Variants in UNC80 observed in about 807,000 individuals in gnomAD.
UNC80 encodes unc-80 subunit of NALCN channel complex, also known as protein unc-80 homolog.
In UNC80, 164 loss-of-function variants were observed where a neutral mutation model predicts 384.6. The ratio of observed to expected loss-of-function variants is 0.43; its 90% confidence interval spans 0.38 to 0.49. The LOEUF is 0.49. Among genes scored for constraint, UNC80 ranks in the 20% least tolerant of loss-of-function variants. The pLI is 0.00. For missense variants in UNC80, 3,330 were observed against 4,143.0 expected, an observed-to-expected ratio of 0.80 and a Z score of 5.39; for synonymous variants, 1,486 against 1,527.8, an observed-to-expected ratio of 0.97 and a Z score of 0.64.
At chr2:209,790,372 A>G (rs114387049) in intron 6 of UNC80, among the ~76,000 whole-genome samples, 3,361 of 152,208 alleles carry the variant, frequency 0.022, 125 homozygotes, top group African/African-American at 0.077. Flanking sequence ...TTACCCTCCA[A>G]CCTGGAAATT....
In UNC80 at chr2:209,839,508, A is replaced by G; in HGVS notation, c.3250+78A>G. 6.9e-7 allele frequency: 1 copy of G among 1,457,784 alleles called. No individual in the cohort carries two copies. The highest frequency in any genetic ancestry group is 9.3e-7 in the Non-Finnish European group (1 of 1,070,076). The allele number at this position is 1,457,784 out of a possible 1,614,324, so 90.3% of individuals were successfully genotyped here. On this transcript the variant is annotated intron_variant, in intron 19 of 64. Transcript: ENST00000673920. This position sits in a 1 kb window ranked among gnomAD's most constrained non-coding sequence, Gnocchi z 4.1. ...TCAGATCAACTCAGTGATGCATAGT[A>G]GGGCCGAAAAAGAAGACCTTCAAGT...
chr2:209,972,029 T>C (rs2092900957), intron 54 of UNC80, among the ~76,000 whole-genome samples, 172 bp from the exon 55 acceptor site: 1 of 152,210 alleles, frequency 6.6e-6, no homozygotes, highest in African/African-American at 2.4e-5. Flanking sequence ...ATCAAGACAA[T>C]GGTAAAGTAT....
chr2:209,875,677 T>G (rs1342148446), intron 23 of UNC80, among the ~76,000 whole-genome samples: 1 of 152,190 alleles, frequency 6.6e-6, no homozygotes, highest in African/African-American at 2.4e-5. Context: ...TGAACTTCAA[T>G]TATGTGGCCC....
chr2:209,973,130 C>G lies in UNC80; in HGVS notation c.8447C>G (p.Pro2816Arg). ...CAGACAGTCATCAATGTACTCCTCC[C>G]ACCGCGGATCATCAGCACATCCAGG... ...LLQTVINVLL[P>R]PRIISTSRSK... The change falls in exon 56 of 65, where the codon CCA becomes CGA. Residue 2816 changes from proline to arginine, a missense_variant. Coordinates refer to ENST00000673920, the MANE Select transcript of UNC80 (RefSeq NM_001371986.1). The G allele has an allele frequency of 6.4e-7, 1 of 1,551,652 alleles. No individual in the cohort carries two copies. Among genetic ancestry groups the G allele is most frequent in the Non-Finnish European group, 8.7e-7 (1 of 1,147,000 alleles).
At chr2:209,831,289 C>T (rs1349338826) in intron 15 of UNC80, among the ~76,000 whole-genome samples, 154 bp from the exon 16 acceptor site, 1 of 152,100 alleles carries the variant, frequency 6.6e-6, no homozygotes, top group East Asian at 1.9e-4. Context: ...TCCACATCTG[C>T]CTAGAGATTA....
chr2:209,961,827 G>C (rs1458665159), intron 51 of UNC80, among the ~76,000 whole-genome samples: 1 of 152,174 alleles, frequency 6.6e-6, no homozygotes, highest in Non-Finnish European at 1.5e-5. Context: ...ACTGATAAAA[G>C]GCAGATCATA....
chr2:209,851,049 T>C (rs555185628), intron 22 of UNC80, among the ~76,000 whole-genome samples: 1 of 152,182 alleles, frequency 6.6e-6, no homozygotes, highest in Non-Finnish European at 1.5e-5. Flanking sequence ...AATGGAAAAG[T>C]ATATGAACAG....
chr2:209,922,212 T>A (rs1213637479), intron 34 of UNC80, 40 bp from the exon 35 acceptor site: 1 of 1,550,034 alleles, frequency 6.5e-7, no homozygotes, highest in East Asian at 2.4e-5. Flanking sequence ...AACTCTTTTG[T>A]TATAAAGCCA....
At position 209,928,206 on chromosome 2, in the gene UNC80, C is replaced by T. The variant is rs535809249; in HGVS notation, c.5806+1220C>T. Among the ~76,000 whole-genome samples the T allele has an allele frequency of 3.5e-3, 531 of 152,040 alleles. 1 individual carries two copies. Among genetic ancestry groups the T allele is most frequent in the African/African-American group, 0.012 (504 of 41,470 alleles). ...CAAAAATTAGCCAGGCGTGGTGGCA[C>T]GTGCCTGTAATCCCAGCTACTCATG... On this transcript the variant is annotated intron_variant, in intron 36 of 64. Transcript: ENST00000673920.
chr2:209,950,768 G>C (rs2092138136), intron 47 of UNC80, among the ~76,000 whole-genome samples: 1 of 151,976 alleles, frequency 6.6e-6, no homozygotes, highest in Non-Finnish European at 1.5e-5. Flanking sequence ...ATGTTGGTCA[G>C]GTTGGTCTTG....
intron 19 of UNC80, among the ~76,000 whole-genome samples, chr2:209,840,194 A>G (rs1288530446): frequency 6.9e-6 from 1 of 144,426 alleles, no homozygotes; most frequent in African/African-American, 2.4e-5. Flanking sequence ...AGGTATAAGT[A>G]AATGGAAGCT....
chr2:209,939,098 G>T (rs2124976078), intron 42 of UNC80, among the ~76,000 whole-genome samples: 1 of 152,174 alleles, frequency 6.6e-6, no homozygotes, highest in Non-Finnish European at 1.5e-5. Flanking sequence ...TCAGGCATTG[G>T]TGGCAATGGA....
At position 209,984,915 on chromosome 2, in the gene UNC80, A is replaced by G; in HGVS notation, c.9314+3A>G. On this transcript the variant is annotated splice_donor_region_variant and intron_variant, in intron 61 of 64. Transcript: ENST00000673920. Reference sequence around the variant, plus strand: ...GCCGCCGAGGGCAGCCTCTCTAGGTACAGTGTCAATGCTACCTGTCTATTG... The same window carrying G: ...GCCGCCGAGGGCAGCCTCTCTAGGTGCAGTGTCAATGCTACCTGTCTATTG... 6.5e-7 allele frequency: 1 copy of G among 1,550,116 alleles called. No homozygotes were observed. Among genetic ancestry groups the G allele is most frequent in the Non-Finnish European group, 8.7e-7 (1 of 1,146,484 alleles).
At chr2:209,876,141 C>T (rs1012682754) in intron 23 of UNC80, among the ~76,000 whole-genome samples, 7 of 152,136 alleles carry the variant, frequency 4.6e-5, no homozygotes, top group African/African-American at 1.7e-4. Flanking sequence ...CCTCAATAGA[C>T]TGTAAGCTCG....
intron 22 of UNC80, among the ~76,000 whole-genome samples, chr2:209,871,827 C>A (rs533654796): frequency 3.7e-4 from 52 of 141,978 alleles, no homozygotes; most frequent in African/African-American, 1.3e-3. Context: ...TTTTTTTTTT[C>A]AAGCACATTT....
chr2:209,775,138 C>T (rs2076792090), intron 2 of UNC80, among the ~76,000 whole-genome samples: 1 of 152,044 alleles, frequency 6.6e-6, no homozygotes, highest in Admixed American at 6.6e-5. Context: ...TTCTCTCCTC[C>T]CTCAAAAGAA....
At chr2:209,817,157 G>C (rs1239262758) in intron 10 of UNC80, 32 bp downstream of exon 10, 2 of 1,537,548 alleles carry the variant, frequency 1.3e-6, no homozygotes, top group African/African-American at 2.7e-5. Context: ...ATAGGGCAGA[G>C]TTTAAGTGAC....
At chr2:209,791,149 G>C (rs1050192920) in intron 6 of UNC80, among the ~76,000 whole-genome samples, 1 of 152,114 alleles carries the variant, frequency 6.6e-6, no homozygotes, top group African/African-American at 2.4e-5. Context: ...CTAAATTGCA[G>C]CTGAACCTAC....
At chr2:209,982,765 T>G (rs1323467168) in intron 60 of UNC80, 2 of 152,106 alleles carry the variant, frequency 1.3e-5, no homozygotes, top group African/African-American at 4.8e-5. Context: ...GAGTGTGACC[T>G]TGGGCAGGTC....
Sources: gnomAD v4.1 joint callset for allele counts (sites outside exome capture counted in the v4.1 genomes callset) on GRCh38, gnomAD v4.1.1 for gene constraint, Gnocchi (gnomAD v3.1) non-coding constraint, MANE v1.5 for transcripts, NCBI Gene and HGNC (gene_info 2026-07-23, HGNC 2026-07-21) for gene names.